Variants in DHRSX observed in about 807,000 individuals in gnomAD.
DHRSX encodes dehydrogenase/reductase X-linked, also known as polyprenol dehydrogenase.
In DHRSX, 31 loss-of-function variants were observed where a neutral mutation model predicts 34.0. The ratio of observed to expected loss-of-function variants is 0.91; its 90% CI spans 0.69 to 1.23. The LOEUF is 1.23. Ranked by LOEUF, DHRSX falls within the 50% of genes most tolerant of loss-of-function variation. The pLI is 0.00. For missense variants in DHRSX, 414 were observed against 428.1 expected, an observed-to-expected ratio of 0.97 and a Z score of 0.29; for synonymous variants, 201 against 183.8, an observed-to-expected ratio of 1.09 and a Z score of -0.76.
intron 3 of DHRSX, among the ~76,000 whole-genome samples, chrX:2,324,323 C>T (rs1267876357): frequency 1.3e-5 from 2 of 152,158 alleles, no homozygotes; most frequent in African/African-American, 2.4e-5. Flanking sequence ...TGAAGCTGCA[C>T]AGAGCTCCGT....
At chrX:2,347,900 CCTGCTCGTGGACAATCA>C (rs1375022445) in intron 3 of DHRSX, among the ~76,000 whole-genome samples, 3 of 152,148 alleles carry the variant, frequency 2.0e-5, no homozygotes, top group Non-Finnish European at 4.4e-5. Context: ...TTGGAACCAC[CCTGCTCGTGGACAATCA>C]CTGCTGTCTT....
chrX:2,466,172 C>T (rs912927214), intron 1 of DHRSX, among the ~76,000 whole-genome samples: 2 of 152,190 alleles, frequency 1.3e-5, no homozygotes, highest in Admixed American at 6.5e-5. Flanking sequence ...GGCGTGGCGG[C>T]GCATGCCTGT....
At chrX:2,268,657 C>G (rs2041508075) in intron 4 of DHRSX, among the ~76,000 whole-genome samples, 1 of 152,208 alleles carries the variant, frequency 6.6e-6, no homozygotes. Flanking sequence ...CATGAGTTTG[C>G]ATGTGTACAC....
chrX:2,289,186 C>T (rs1171901650), intron 4 of DHRSX, among the ~76,000 whole-genome samples: 1 of 150,846 alleles, frequency 6.6e-6, no homozygotes, highest in Non-Finnish European at 1.5e-5. Context: ...GGTGTGGTCT[C>T]GGCTCACTGC....
Position 2,399,741 on chromosome X carries a change from AAC to A in DHRSX, c.286+9002_286+9003del, listed in dbSNP as rs772986427. Among the ~76,000 whole-genome samples the A allele has an allele frequency of 1.1e-3, 161 of 142,630 alleles. 8 individuals carry two copies. Among genetic ancestry groups the A allele is most frequent in the African/African-American group, 2.8e-3 (105 of 37,894 alleles). 93.6% of individuals were successfully genotyped at this position (142,630 alleles called of 152,430 possible). On this transcript the variant is annotated intron_variant, in intron 3 of 6. Coordinates refer to ENST00000334651, the MANE Select transcript of DHRSX (RefSeq NM_145177.3). ...AACAAAAAGCAAAAAAAAAAAAAAAAACAAAAAAACACAGGGGCTGAGCTTGG... is the reference window on the plus strand; with the variant it reads ...AACAAAAAGCAAAAAAAAAAAAAAAAAAAAAAACACAGGGGCTGAGCTTGG...
chrX:2,266,625 C>T, intron 5 of DHRSX, 115 bp downstream of exon 5: 2 of 1,072,260 alleles, frequency 1.9e-6, no homozygotes, highest in Non-Finnish European at 2.9e-6. Flanking sequence ...AGCACTGTTC[C>T]CAGAGCACCA....
chrX:2,355,618 A>G (rs2042841399), intron 3 of DHRSX, among the ~76,000 whole-genome samples: 2 of 151,986 alleles, frequency 1.3e-5, no homozygotes, highest in South Asian at 4.2e-4. Flanking sequence ...ATCAGATAAA[A>G]AATAATAAAT....
chrX:2,265,782 TC>T (rs2041452235), intron 5 of DHRSX, among the ~76,000 whole-genome samples: 1 of 136,770 alleles, frequency 7.3e-6, no homozygotes, highest in Non-Finnish European at 1.6e-5. Flanking sequence ...GGGAGCACTG[TC>T]CCCAGAGCAC....
chrX:2,423,144 G>C (rs1173398476), intron 2 of DHRSX, among the ~76,000 whole-genome samples: 1 of 151,426 alleles, frequency 6.6e-6, no homozygotes, highest in Non-Finnish European at 1.5e-5. Context: ...CAGGCACGGT[G>C]GTTCATGACT....
At chrX:2,499,235 C>T (rs1167526888) in intron 1 of DHRSX, among the ~76,000 whole-genome samples, 1 of 152,088 alleles carries the variant, frequency 6.6e-6, no homozygotes, top group African/African-American at 2.4e-5. Flanking sequence ...TAGTGTCTTC[C>T]AGAGGCCTCC....
intron 1 of DHRSX, among the ~76,000 whole-genome samples, chrX:2,485,367 C>G (rs928652418): frequency 1.3e-5 from 2 of 151,580 alleles, no homozygotes; most frequent in African/African-American, 4.9e-5. Flanking sequence ...TTTAATGATG[C>G]CCAAGGACAG....
At chrX:2,230,204 T>C (rs2015841917) in intron 6 of DHRSX, among the ~76,000 whole-genome samples, 1 of 132,214 alleles carries the variant, frequency 7.6e-6, no homozygotes, top group Non-Finnish European at 1.6e-5. Context: ...TATGTGTGTA[T>C]TTGTACATGT....
intron 3 of DHRSX, among the ~76,000 whole-genome samples, chrX:2,335,652 T>C (rs1215842266): frequency 6.6e-6 from 1 of 151,804 alleles, no homozygotes; most frequent in Non-Finnish European, 1.5e-5. Flanking sequence ...TGGGGCTTCA[T>C]CATATAGGCC....
chrX:2,455,741 C>CAAAA (rs752123891), intron 1 of DHRSX, among the ~76,000 whole-genome samples: 1,003 of 59,424 alleles, frequency 0.017, 20 homozygotes, highest in African/African-American at 0.056. Flanking sequence ...AACTTCGTCT[C>CAAAA]AAAAAAAAAA....
chrX:2,308,009 G>C (rs2042120718), intron 3 of DHRSX, among the ~76,000 whole-genome samples: 2 of 152,044 alleles, frequency 1.3e-5, no homozygotes, highest in Admixed American at 1.3e-4. Context: ...AGGATCTCCG[G>C]AAGACTTGAG....
At chrX:2,292,351 C>G (rs1457984244) in intron 3 of DHRSX, among the ~76,000 whole-genome samples, 2 of 152,112 alleles carry the variant, frequency 1.3e-5, no homozygotes, top group African/African-American at 2.4e-5. Context: ...TCCTGAGCTC[C>G]AGAGAGGACC....
intron 1 of DHRSX, among the ~76,000 whole-genome samples, chrX:2,469,121 T>A (rs2044547175): frequency 6.6e-6 from 1 of 151,564 alleles, no homozygotes. Flanking sequence ...CTGAAGACGT[T>A]CCCTAACAAT....
intron 3 of DHRSX, among the ~76,000 whole-genome samples, chrX:2,329,208 A>G (rs2042426945): frequency 6.6e-6 from 1 of 152,152 alleles, no homozygotes; most frequent in African/African-American, 2.4e-5. Context: ...GTGGTTGGCC[A>G]TGGGTAGCTG....
At chrX:2,346,358 C>G (rs978759245) in intron 3 of DHRSX, among the ~76,000 whole-genome samples, 6 of 151,958 alleles carry the variant, frequency 3.9e-5, no homozygotes, top group Non-Finnish European at 7.4e-5. Context: ...CAAATATTGC[C>G]GAGTGTGGTT....
Sources: gnomAD v4.1 joint callset for allele counts (sites outside exome capture counted in the v4.1 genomes callset) on GRCh38, gnomAD v4.1.1 for gene constraint, MANE v1.5 for transcripts, NCBI Gene and HGNC (gene_info 2026-07-23, HGNC 2026-07-21) for gene names.